The following ACOT1 variants were observed in gnomAD, a reference collection of about 807,000 sequenced individuals.
ACOT1 encodes the protein acyl-coenzyme A thioesterase 1.
ACOT1 carries 8 observed loss-of-function variants against 15.7 expected under a neutral mutation model. That is an observed-to-expected ratio of 0.51 (90% confidence interval 0.30 to 0.92). ACOT1 has a LOEUF of 0.92. Among genes scored for constraint, ACOT1 ranks in the 40% least tolerant of loss-of-function variants. The probability of loss-of-function intolerance (pLI) is 0.06; values close to 1 mark genes in which losing one functional copy is unlikely to be tolerated. For synonymous variants in ACOT1, 67 were observed against 241.2 expected (o/e 0.28, Z 6.69); for missense variants, 151 against 539.4 (o/e 0.28, Z 7.13).
At chr14:73,530,131 G>A in the ACOT1 span, 1 of 85,942 alleles carries the variant, frequency 1.2e-5, no homozygotes, top group Non-Finnish European at 2.8e-5. Flanking sequence ...CCTGGCTAAT[G>A]TTTTAAAACT....
upstream of ACOT1, among the ~76,000 whole-genome samples, chr14:73,535,769 G>A (rs1261517611): frequency 1.8e-5 from 2 of 114,262 alleles, no homozygotes; most frequent in African/African-American, 2.8e-5. Flanking sequence ...GCGAGCCACC[G>A]CGCCTGGCCC....
At chr14:73,506,373 AG>A in the ACOT1 span, 1 of 796,548 alleles carries the variant, frequency 1.3e-6, no homozygotes, top group Non-Finnish European at 2.2e-6. Flanking sequence ...CTGTTTGGTA[AG>A]AATGGAATAA....
At chr14:73,527,304 C>A in the ACOT1 span, 2 of 151,954 alleles carry the variant, frequency 1.3e-5, no homozygotes, top group Admixed American at 1.3e-4. Flanking sequence ...ACCAAATGGA[C>A]TAAATAAGGC....
At chr14:73,498,250 A>G in the ACOT1 span, 1 of 1,614,158 alleles carries the variant, frequency 6.2e-7, no homozygotes. Flanking sequence ...TGCTACGGCA[A>G]GCTTCCAGCC....
chr14:73,515,057 G>A, the ACOT1 span, among the ~76,000 whole-genome samples: 2 of 141,438 alleles, frequency 1.4e-5, no homozygotes, highest in Non-Finnish European at 3.0e-5. Flanking sequence ...GACAGAGTGA[G>A]ACTCCGTTCT....
upstream of ACOT1, chr14:73,537,013 T>C (rs1375550767): frequency 7.7e-6 from 1 of 129,210 alleles, no homozygotes; most frequent in Non-Finnish European, 1.5e-5. Flanking sequence ...AGACGGACTT[T>C]CGCTCTGTCG....
In ACOT1 at chr14:73,541,786, A is replaced by G. The variant is rs1362959616; in HGVS notation, c.660+91A>G. Reference sequence around the variant, plus strand: ...TCACAGAAGTTAGCTCATTCATGACAGCCATTCCCTACCCCAACACACACT... The same window carrying G: ...TCACAGAAGTTAGCTCATTCATGACGGCCATTCCCTACCCCAACACACACT... On this transcript the variant is annotated intron_variant, in intron 2 of 2. Transcript: ENST00000311148. The G allele has an allele frequency of 2.2e-4, 187 of 851,550 alleles. 44 individuals carry two copies. The highest frequency in any genetic ancestry group is 3.1e-4 in the Non-Finnish European group (178 of 582,436). The allele number at this position is 851,550 out of a possible 1,614,324, so 52.7% of individuals were successfully genotyped here.
At chr14:73,521,108 C>A in the ACOT1 span, 1 of 1,351,966 alleles carries the variant, frequency 7.4e-7, no homozygotes, top group African/African-American at 1.4e-5. Flanking sequence ...TCCATTAAAT[C>A]CACAGCTCGT....
At chr14:73,505,890 CTT>C in the ACOT1 span, among the ~76,000 whole-genome samples, 9 of 113,332 alleles carry the variant, frequency 7.9e-5, no homozygotes, top group Admixed American at 2.1e-4. Flanking sequence ...ATAAACGTTT[CTT>C]TTTTTTTTTT....
chr14:73,504,324 C>T, the ACOT1 span, among the ~76,000 whole-genome samples: 5 of 151,866 alleles, frequency 3.3e-5, no homozygotes, highest in African/African-American at 1.2e-4. Context: ...CTCACTGCAA[C>T]CTCCACCTCC....
the ACOT1 span, chr14:73,508,132 A>G: frequency 6.2e-7 from 1 of 1,613,826 alleles, no homozygotes; most frequent in Non-Finnish European, 8.5e-7. Context: ...ATGGACACAT[A>G]CTGTCTTCTC....
At chr14:73,502,555 CTT>C in the ACOT1 span, among the ~76,000 whole-genome samples, 1 of 146,580 alleles carries the variant, frequency 6.8e-6, no homozygotes. Flanking sequence ...CTCCTAAGCA[CTT>C]TTTTTTTTTG....
chr14:73,494,311 G>A, the ACOT1 span, among the ~76,000 whole-genome samples: 2 of 152,262 alleles, frequency 1.3e-5, no homozygotes, highest in Admixed American at 1.3e-4. Context: ...CTGATGCTAC[G>A]CTCAGGCACA....
the ACOT1 span, among the ~76,000 whole-genome samples, chr14:73,507,935 A>G: frequency 6.6e-6 from 1 of 152,028 alleles, no homozygotes; most frequent in African/African-American, 2.4e-5. Context: ...AGTAGAGATG[A>G]GGTTTCACCC....
the ACOT1 span, chr14:73,513,960 G>T: frequency 6.8e-7 from 1 of 1,478,998 alleles, no homozygotes; most frequent in South Asian, 1.1e-5. Context: ...TTCAAAGACT[G>T]AGAAAGCCTA....
chr14:73,522,239 T>A, the ACOT1 span: 1 of 1,592,568 alleles, frequency 6.3e-7, no homozygotes, highest in Non-Finnish European at 8.6e-7. Context: ...TCAGGGATTA[T>A]CAAAGGTGCA....
the ACOT1 span, chr14:73,506,667 A>C: frequency 1.1e-6 from 1 of 887,434 alleles, no homozygotes; most frequent in Non-Finnish European, 1.8e-6. Context: ...TGCATAATTA[A>C]TGTCACCAGT....
the ACOT1 span, among the ~76,000 whole-genome samples, chr14:73,506,807 T>TTTTTTTTTTTTGTTTTG: frequency 4.9e-5 from 5 of 102,220 alleles, no homozygotes; most frequent in African/African-American, 2.4e-4. Flanking sequence ...TTTAACTGTT[T>TTTTTTTTTTTTGTTTTG]TTTTTTTTTT....
At chr14:73,491,367 C>T in the ACOT1 span, 3 of 1,370,288 alleles carry the variant, frequency 2.2e-6, no homozygotes, top group Non-Finnish European at 2.8e-6. Context: ...TCCCTGCAGA[C>T]CCCGTCGGCG....
Sources: gnomAD v4.1 joint callset for allele counts (sites outside exome capture counted in the v4.1 genomes callset) on GRCh38, gnomAD v4.1.1 for gene constraint, MANE v1.5 for transcripts, NCBI Gene and HGNC (gene_info 2026-07-23, HGNC 2026-07-21) for gene names.